Variants in CEP44 observed in about 807,000 individuals in gnomAD.
The protein encoded by CEP44 is centrosomal protein of 44 kDa.
A neutral mutation model predicts 46.7 loss-of-function variants in CEP44; 45 were observed. That is an observed-to-expected ratio of 0.96 (90% CI 0.76 to 1.24). The LOEUF (loss-of-function observed/expected upper bound fraction) is 1.24. Ranked by LOEUF, CEP44 falls within the 50% of genes most tolerant of loss-of-function variation. The probability of loss-of-function intolerance (pLI) is 0.00; values close to 1 mark genes in which losing one functional copy is unlikely to be tolerated. For synonymous variants in CEP44, 142 were observed against 146.0 expected, an observed-to-expected ratio of 0.97 and a Z score of 0.20; for missense variants, 475 against 459.7, an observed-to-expected ratio of 1.03 and a Z score of -0.30.
Position 174,320,157 on chromosome 4 carries a change from A to T in CEP44, c.*2774A>T. 1 of 985,056 alleles carries T rather than the reference A, an allele frequency of 1.0e-6. No individual in the cohort carries two copies. Among genetic ancestry groups the T allele is most frequent in the Non-Finnish European group, 1.2e-6 (1 of 829,604 alleles). 61.0% of individuals were successfully genotyped at this position (985,056 alleles called of 1,614,324 possible). A position where few individuals can be genotyped will look rare whatever the true frequency, so the allele number is the denominator to read the frequency against. ...TACTATAAAGAATACATAAGGTAAA[A>T]TACTAGTCAGAAAGGGTTCAGAAGA... On this transcript the variant is annotated 3_prime_UTR_variant, in exon 12 of 12. Transcript: ENST00000503780.
downstream of CEP44, among the ~76,000 whole-genome samples, chr4:174,323,176 A>C (rs1742437824): frequency 6.6e-6 from 1 of 152,150 alleles, no homozygotes; most frequent in Admixed American, 6.6e-5. Flanking sequence ...CACAGATATC[A>C]CAGGAAATTA....
Position 174,310,811 on chromosome 4 carries a change from T to C in CEP44, c.914T>C (p.Val305Ala). ...KNDEFIEFNE[V>A]SEDYASCSDM... ...GATGAATTTATAGAGTTTAATGAAG[T>C]TAGTGAAGACTACGCTTCTTGTAGT... The change falls in exon 9 of 12, where the codon GTT becomes GCT. Residue 305 changes from valine (V) to alanine (A), a missense_variant. Val to Ala is a moderately conservative substitution (Grantham distance 64). Transcript: ENST00000503780. This position sits in a 1 kb window ranked among gnomAD's most constrained non-coding sequence, Gnocchi z 4.2. 6.6e-7 allele frequency: 1 copy of C among 1,512,248 alleles called. No individual in the cohort carries two copies. Among genetic ancestry groups the C allele is most frequent in the Non-Finnish European group, 9.1e-7 (1 of 1,100,266 alleles). 93.7% of individuals were successfully genotyped at this position (1,512,248 alleles called of 1,614,324 possible).
At chr4:174,316,902 T>C (rs1741791364) in intron 11 of CEP44, among the ~76,000 whole-genome samples, 1 of 152,136 alleles carries the variant, frequency 6.6e-6, no homozygotes. Context: ...AAATAATATA[T>C]ATAGATGGAT....
At chr4:174,295,060 C>T (rs1366996827) in intron 1 of CEP44, among the ~76,000 whole-genome samples, 2 of 148,406 alleles carry the variant, frequency 1.3e-5, no homozygotes, top group African/African-American at 2.5e-5. Context: ...CCGGACGGGG[C>T]GGCTGGCCGG....
In CEP44 at chr4:174,320,065, G is replaced by A. The variant is rs1742171182; in HGVS notation, c.*2682G>A. Reference sequence around the variant, plus strand: ...AAAACACTGTACTACCAACAAAGGTGTCAGTTGCTTGTGCTGCCCTGTCTA... The same window carrying A: ...AAAACACTGTACTACCAACAAAGGTATCAGTTGCTTGTGCTGCCCTGTCTA... On this transcript the variant is annotated 3_prime_UTR_variant, in exon 12 of 12. Transcript: ENST00000503780. The A allele has an allele frequency of 1.0e-6, 1 of 985,010 alleles. No homozygotes were observed. Among genetic ancestry groups the A allele is most frequent in the South Asian group, 4.7e-5 (1 of 21,274 alleles). 61.0% of individuals were successfully genotyped at this position (985,010 alleles called of 1,614,324 possible).
intron 8 of CEP44, among the ~76,000 whole-genome samples, chr4:174,330,433 G>A (rs1408334449): frequency 6.6e-6 from 1 of 150,604 alleles, no homozygotes; most frequent in East Asian, 2.0e-4. Flanking sequence ...AGGTTGCAGT[G>A]AGCCGAGGTC....
chr4:174,324,388 C>T (rs1332387486), downstream of CEP44, among the ~76,000 whole-genome samples: 1 of 152,066 alleles, frequency 6.6e-6, no homozygotes, highest in Non-Finnish European at 1.5e-5. Flanking sequence ...ATGTTTTTAC[C>T]TCTCTTGGGT....
At chr4:174,327,130 A>G (rs1263743243) in intron 8 of CEP44, among the ~76,000 whole-genome samples, 1 of 149,986 alleles carries the variant, frequency 6.7e-6, no homozygotes, top group Non-Finnish European at 1.5e-5. Flanking sequence ...ATCTACATAT[A>G]TATATAAGTA....
intron 1 of CEP44, among the ~76,000 whole-genome samples, chr4:174,289,923 C>G (rs1360392426): frequency 6.6e-6 from 1 of 151,740 alleles, no homozygotes; most frequent in Non-Finnish European, 1.5e-5. Flanking sequence ...ACTGCAACCT[C>G]CGCCTCCCGG....
exon 9 of CEP44, chr4:174,333,347 A>G (rs1731401615): frequency 6.7e-6 from 1 of 149,874 alleles, no homozygotes; most frequent in African/African-American, 2.5e-5. Flanking sequence ...AGTTCATATG[A>G]CAGACCTATT....
intron 6 of CEP44, among the ~76,000 whole-genome samples, chr4:174,306,642 A>T (rs970765248): frequency 6.6e-6 from 1 of 152,110 alleles, no homozygotes; most frequent in Admixed American, 6.6e-5. Flanking sequence ...GTGATAATTT[A>T]AACTTTTTTT....
intron 1 of CEP44, among the ~76,000 whole-genome samples, chr4:174,285,156 TCTC>T (rs1227266499): frequency 2.0e-5 from 3 of 152,244 alleles, no homozygotes; most frequent in Non-Finnish European, 4.4e-5. Context: ...CTGAGTGGTA[TCTC>T]CTTTTTTCCT....
rs1395857757 is a variant in CEP44 at position 174,314,699 on chromosome 4, A to G, written c.962-1467A>G. ...TCAGGACAACTATCTGTACCCACAG[A>G]AAAAAATCCAAGATTTAGTGCATAG... is the stretch of plus-strand genomic sequence containing the variant. On this transcript the variant is annotated intron_variant, in intron 9 of 11. Coordinates refer to ENST00000503780, the MANE Select transcript of CEP44 (RefSeq NM_001040157.3). The surrounding 1 kb of genome is among the most constrained non-coding windows in gnomAD (Gnocchi z 4.1). Among the ~76,000 whole-genome samples the G allele has an allele frequency of 1.3e-5, 2 of 152,228 alleles. No individual in the cohort carries two copies. The highest frequency in any genetic ancestry group is 3.8e-4 in the East Asian group (2 of 5,204).
chr4:174,291,282 T>G (rs374492106), intron 1 of CEP44, among the ~76,000 whole-genome samples: 2 of 152,066 alleles, frequency 1.3e-5, no homozygotes, highest in South Asian at 2.1e-4. Flanking sequence ...ATTTTTTTCT[T>G]TTTTTTGTTT....
At chr4:174,294,372 A>G (rs1235204733) in intron 1 of CEP44, among the ~76,000 whole-genome samples, 2 of 152,108 alleles carry the variant, frequency 1.3e-5, no homozygotes, top group African/African-American at 4.8e-5. Context: ...AGGGTCACCG[A>G]TCAACAGGAT....
rs1266199595 is a variant in CEP44, at chr4:174,320,063, G to A, written c.*2680G>A. 10 of 984,878 alleles carry A rather than the reference G, an allele frequency of 1.0e-5. No individual in the cohort carries two copies. Among genetic ancestry groups the A allele is most frequent in the Admixed American group, 6.2e-5 (1 of 16,218 alleles). 61.0% of individuals were successfully genotyped at this position (984,878 alleles called of 1,614,324 possible). A position where few individuals can be genotyped will look rare whatever the true frequency, so the allele number is the denominator to read the frequency against. On this transcript the variant is annotated 3_prime_UTR_variant, in exon 12 of 12. Transcript: ENST00000503780. ...AAAAAACACTGTACTACCAACAAAG[G>A]TGTCAGTTGCTTGTGCTGCCCTGTC...
chr4:174,320,176 CAGA>C lies in CEP44; in HGVS notation c.*2799_*2801del. On this transcript the variant is annotated 3_prime_UTR_variant, in exon 12 of 12. Transcript: ENST00000503780. ...GGTAAAATACTAGTCAGAAAGGGTT[CAGA>C]AGAAGTTAGCATCAACTGTATGAAA... 2.0e-6 allele frequency: 2 copies of C among 984,826 alleles called. No individual in the cohort carries two copies. The highest frequency in any genetic ancestry group is 1.1e-4 in the East Asian group (1 of 8,802). 61.0% of individuals were successfully genotyped at this position (984,826 alleles called of 1,614,324 possible).
chr4:174,288,700 A>G lies in CEP44; in HGVS notation c.-148+4757A>G, dbSNP rs1051974639. On this transcript the variant is annotated intron_variant, in intron 1 of 11. Coordinates refer to ENST00000503780, the MANE Select transcript of CEP44 (RefSeq NM_001040157.3). The surrounding 1 kb of genome is among the most constrained non-coding windows in gnomAD (Gnocchi z 4.6). ...AAGATCATGTCATCTGCAAACAGAT[A>G]TTGTACCTCTTCTCTTTTTATTTGG... is the stretch of plus-strand genomic sequence containing the variant. Among the ~76,000 whole-genome samples, 1 of 152,106 alleles carries G rather than the reference A, an allele frequency of 6.6e-6. No homozygotes were observed. The highest frequency in any genetic ancestry group is 2.4e-5 in the African/African-American group (1 of 41,416).
In CEP44 at chr4:174,320,222, G is replaced by A. The variant is rs1228772542; in HGVS notation, c.*2839G>A. 1 of 984,946 alleles carries A rather than the reference G, an allele frequency of 1.0e-6. No individual in the cohort carries two copies. The highest frequency in any genetic ancestry group is 1.8e-5 in the African/African-American group (1 of 57,142). 61.0% of individuals were successfully genotyped at this position (984,946 alleles called of 1,614,324 possible). A position where few individuals can be genotyped will look rare whatever the true frequency, so the allele number is the denominator to read the frequency against. Reference sequence around the variant, plus strand: ...GTATGAAAATTCTAGGTAAAGCTAAGTACTATTGAGTTGGAAAAAAGTAAT... The same window carrying A: ...GTATGAAAATTCTAGGTAAAGCTAAATACTATTGAGTTGGAAAAAAGTAAT... On this transcript the variant is annotated 3_prime_UTR_variant, in exon 12 of 12. Coordinates refer to ENST00000503780, the MANE Select transcript of CEP44 (RefSeq NM_001040157.3).
Sources: gnomAD v4.1 joint callset for allele counts (sites outside exome capture counted in the v4.1 genomes callset) on GRCh38, gnomAD v4.1.1 for gene constraint, Gnocchi (gnomAD v3.1) non-coding constraint, MANE v1.5 for transcripts, NCBI Gene and HGNC (gene_info 2026-07-23, HGNC 2026-07-21) for gene names.